The following LARGE1 variants were observed in gnomAD, a reference collection of about 807,000 sequenced individuals.
LARGE1 encodes the protein xylosyl- and glucuronyltransferase LARGE1.
In LARGE1, 43 loss-of-function variants were observed where a neutral mutation model predicts 87.6. The ratio of observed to expected loss-of-function variants is 0.49; its 90% confidence interval spans 0.38 to 0.63. LARGE1 has a LOEUF of 0.63. LARGE1 is among the 30% of genes least tolerant of loss of function. The pLI, the probability that LARGE1 is intolerant of heterozygous loss-of-function variation, is 0.00. For synonymous variants in LARGE1, 434 were observed against 394.6 expected (o/e 1.10, Z -1.18); for missense variants, 802 against 1,000.2 (o/e 0.80, Z 2.67).
At chr22:33,421,102 T>C (rs2066676030) in intron 7 of LARGE1, among the ~76,000 whole-genome samples, 1 of 151,978 alleles carries the variant, frequency 6.6e-6, no homozygotes, top group Admixed American at 6.6e-5. Context: ...GGTAGGAAAG[T>C]TGCTTGAACC....
chr22:33,319,737 G>A (rs1936534323), intron 10 of LARGE1, among the ~76,000 whole-genome samples: 1 of 152,094 alleles, frequency 6.6e-6, no homozygotes, highest in African/African-American at 2.4e-5. Context: ...TACTGGTTCT[G>A]AGCAATAGAT....
chr22:33,466,003 C>T (rs952446090), intron 6 of LARGE1, among the ~76,000 whole-genome samples: 1 of 152,180 alleles, frequency 6.6e-6, no homozygotes, highest in East Asian at 1.9e-4. Context: ...AAAGTCTAGA[C>T]ATAAAAACCC....
At chr22:33,860,336 G>C (rs2063879475) in intron 1 of LARGE1, among the ~76,000 whole-genome samples, 1 of 151,812 alleles carries the variant, frequency 6.6e-6, no homozygotes, top group Non-Finnish European at 1.5e-5. Context: ...TTAACCCCAG[G>C]GCTTGAAATA....
chr22:33,104,003 G>A, the LARGE1 span, among the ~76,000 whole-genome samples: 1 of 152,136 alleles, frequency 6.6e-6, no homozygotes, highest in East Asian at 1.9e-4. Flanking sequence ...ACATGGAACC[G>A]TGAGTCCATT....
At chr22:33,719,352 T>C (rs571833247) in intron 2 of LARGE1, among the ~76,000 whole-genome samples, 1 of 152,242 alleles carries the variant, frequency 6.6e-6, no homozygotes, top group South Asian at 2.1e-4. Flanking sequence ...GCGCAGTGTT[T>C]AGAAAGTCTA....
At chr22:33,215,493 G>A (rs1925159604) in intron 11 of LARGE1, among the ~76,000 whole-genome samples, 1 of 152,164 alleles carries the variant, frequency 6.6e-6, no homozygotes, top group Non-Finnish European at 1.5e-5. Context: ...TATGTAGAGA[G>A]AGAATATTTT....
chr22:33,594,725 G>A (rs1043269313), intron 5 of LARGE1, among the ~76,000 whole-genome samples: 1 of 152,158 alleles, frequency 6.6e-6, no homozygotes, highest in Non-Finnish European at 1.5e-5. Context: ...TCCTGCCTTG[G>A]CCTCCCAAGT....
chr22:33,704,261 T>C (rs974399831), intron 2 of LARGE1, among the ~76,000 whole-genome samples: 18 of 152,224 alleles, frequency 1.2e-4, no homozygotes, highest in Non-Finnish European at 2.4e-4. Flanking sequence ...TGAAGATGCA[T>C]ACATGTATCT....
chr22:33,772,011 T>G (rs1357393044), intron 1 of LARGE1, among the ~76,000 whole-genome samples: 1 of 152,172 alleles, frequency 6.6e-6, no homozygotes, highest in Non-Finnish European at 1.5e-5. Context: ...GCTTCTGCAT[T>G]AGCAGCCTCA....
At chr22:33,430,037 A>T (rs1372328422) in intron 7 of LARGE1, among the ~76,000 whole-genome samples, 1 of 152,188 alleles carries the variant, frequency 6.6e-6, no homozygotes, top group Non-Finnish European at 1.5e-5. Flanking sequence ...GCACAGACCT[A>T]GTCAATCAGA....
At chr22:33,878,401 T>C (rs1053653064) in intron 1 of LARGE1, among the ~76,000 whole-genome samples, 4 of 152,140 alleles carry the variant, frequency 2.6e-5, no homozygotes, top group African/African-American at 9.7e-5. Context: ...AGTGCTGGGA[T>C]TACAGGCATG....
At chr22:33,186,376 T>A (rs918740345) in intron 11 of LARGE1, among the ~76,000 whole-genome samples, 2 of 152,168 alleles carry the variant, frequency 1.3e-5, no homozygotes, top group Admixed American at 1.3e-4. Flanking sequence ...AAGTAGCTAC[T>A]GCATTAACAG....
chr22:33,787,943 A>C (rs2085703184), intron 1 of LARGE1, among the ~76,000 whole-genome samples: 1 of 152,214 alleles, frequency 6.6e-6, no homozygotes, highest in Admixed American at 6.5e-5. Flanking sequence ...ACAAGGTCTT[A>C]AGAAGATGTG....
At chr22:33,406,519 C>A (rs576091932) in intron 7 of LARGE1, among the ~76,000 whole-genome samples, 1 of 152,114 alleles carries the variant, frequency 6.6e-6, no homozygotes, top group African/African-American at 2.4e-5. Flanking sequence ...AACGCACACA[C>A]CCTCACTGTT....
chr22:33,573,807 T>C (rs763470040), intron 5 of LARGE1, among the ~76,000 whole-genome samples: 2 of 152,160 alleles, frequency 1.3e-5, no homozygotes, highest in African/African-American at 4.8e-5. Flanking sequence ...GAATACTTGC[T>C]CTGGGATGTA....
chr22:33,584,594 C>G (rs910739455), intron 5 of LARGE1, among the ~76,000 whole-genome samples: 1 of 152,132 alleles, frequency 6.6e-6, no homozygotes, highest in Non-Finnish European at 1.5e-5. Context: ...GTTGTTTCCT[C>G]CTAATCAGAT....
chr22:33,296,883 T>C (rs1933350079), intron 12 of LARGE1, among the ~76,000 whole-genome samples: 1 of 152,188 alleles, frequency 6.6e-6, no homozygotes, highest in Non-Finnish European at 1.5e-5. Flanking sequence ...AGTTATCCTT[T>C]TAGTACTGCT....
chr22:33,121,743 G>A, the LARGE1 span, among the ~76,000 whole-genome samples: 1 of 152,190 alleles, frequency 6.6e-6, no homozygotes, highest in South Asian at 2.1e-4. Context: ...ACATACCTGA[G>A]ACTGGGTAAT....
intron 6 of LARGE1, among the ~76,000 whole-genome samples, chr22:33,498,481 A>T (rs1454182991): frequency 6.6e-6 from 1 of 152,166 alleles, no homozygotes; most frequent in Non-Finnish European, 1.5e-5. Flanking sequence ...CTATTGTTAA[A>T]ATCACCACTG....
Sources: allele counts gnomAD v4.1 joint callset (sites outside exome capture counted in the v4.1 genomes callset), GRCh38; gene constraint gnomAD v4.1.1; transcripts MANE v1.5; gene names NCBI Gene and HGNC (gene_info 2026-07-23, HGNC 2026-07-21).